GLG1: variants seen among roughly 807,000 people sequenced by gnomAD.
GLG1 encodes golgi glycoprotein 1.
GLG1 carries 38 observed loss-of-function variants against 160.5 expected under a neutral mutation model. The observed-to-expected ratio is 0.24, with a 90% CI of 0.18 to 0.31. GLG1 has a LOEUF of 0.31. Among genes scored for constraint, GLG1 ranks in the 10% least tolerant of loss-of-function variants. GLG1 has a pLI of 1.00. For synonymous variants in GLG1, 644 were observed against 543.4 expected, an observed-to-expected ratio of 1.19 and a Z score of -2.57; for missense variants, 1,373 against 1,505.2, an observed-to-expected ratio of 0.91 and a Z score of 1.45.
intron 1 of GLG1, among the ~76,000 whole-genome samples, chr16:74,585,955 T>TG (rs1958040162): frequency 6.7e-6 from 1 of 149,206 alleles, no homozygotes; most frequent in African/African-American, 2.5e-5. Context: ...CCCAGCTACT[T>TG]GGGGGGCCGA....
chr16:74,461,963 GA>G (rs2014815036), intron 22 of GLG1, 130 bp downstream of exon 22: 2 of 599,836 alleles, frequency 3.3e-6, no homozygotes, highest in African/African-American at 3.7e-5. Context: ...GCAGACCATG[GA>G]GAGCCTAGAA....
At chr16:74,472,794 A>T in intron 13 of GLG1, 1 of 363,104 alleles carries the variant, frequency 2.8e-6, no homozygotes, top group East Asian at 7.3e-5. Flanking sequence ...TAAGCTCATA[A>T]GCCAGAGCAC....
Position 74,463,624 on chromosome 16 carries a change from C to T in GLG1, c.2668-145G>A, listed in dbSNP as rs534060397. On this transcript the variant is annotated intron_variant, in intron 19 of 25. Transcript: ENST00000422840. ...GCGCAATTCGGCTTACTGCAACCTC[C>T]GCCTCCCGAGTTCAAGCGATTCTCC... 1.9e-3 allele frequency: 1,445 copies of T among 744,202 alleles called. 1 individual carries two copies. Among genetic ancestry groups the T allele is most frequent in the Non-Finnish European group, 2.7e-3 (1,194 of 446,494 alleles). 46.1% of individuals were successfully genotyped at this position (744,202 alleles called of 1,614,324 possible). A position where few individuals can be genotyped will look rare whatever the true frequency, so the allele number is the denominator to read the frequency against.
intron 19 of GLG1, chr16:74,464,084 C>G (rs1477579574): frequency 6.5e-6 from 1 of 152,836 alleles, no homozygotes; most frequent in Non-Finnish European, 1.5e-5. Flanking sequence ...GAAAGAGCAC[C>G]CCACCCCAAC....
chr16:74,468,798 T>A, intron 17 of GLG1, 148 bp downstream of exon 17: 1 of 638,230 alleles, frequency 1.6e-6, no homozygotes, highest in Non-Finnish European at 2.9e-6. Context: ...AGGAAGCTAA[T>A]GGTCGTATGT....
At chr16:74,540,742 G>A (rs1385767056) in intron 1 of GLG1, among the ~76,000 whole-genome samples, 2 of 151,870 alleles carry the variant, frequency 1.3e-5, no homozygotes, top group East Asian at 3.9e-4. Flanking sequence ...GAAGGAAACA[G>A]AGTCAGGCAC....
chr16:74,469,353 G>A (rs1434778580), intron 16 of GLG1: 1 of 431,514 alleles, frequency 2.3e-6, no homozygotes, highest in African/African-American at 2.0e-5. Context: ...AAAAACATGT[G>A]ACCACAGAGG....
At chr16:74,596,536 T>A (rs1958307604) in intron 1 of GLG1, among the ~76,000 whole-genome samples, 2 of 151,990 alleles carry the variant, frequency 1.3e-5, no homozygotes, top group Middle Eastern at 3.2e-3. Flanking sequence ...AAAAAAAAAA[T>A]TATTGTGATA....
At chr16:74,580,081 C>T (rs963639350) in intron 1 of GLG1, among the ~76,000 whole-genome samples, 1 of 151,984 alleles carries the variant, frequency 6.6e-6, no homozygotes, top group African/African-American at 2.4e-5. Flanking sequence ...AAACAAAAAA[C>T]CTTAGGATAA....
intron 1 of GLG1, among the ~76,000 whole-genome samples, chr16:74,540,509 C>A (rs960776831): frequency 4.6e-5 from 7 of 151,724 alleles, no homozygotes; most frequent in African/African-American, 1.7e-4. Context: ...CCAATCTTTT[C>A]ATCAAATTCC....
At chr16:74,529,074 C>G (rs2017442974) in intron 2 of GLG1, among the ~76,000 whole-genome samples, 1 of 150,836 alleles carries the variant, frequency 6.6e-6, no homozygotes, top group Non-Finnish European at 1.5e-5. Flanking sequence ...TCAAGCAATT[C>G]TCCCGCCTCA....
intron 1 of GLG1, among the ~76,000 whole-genome samples, chr16:74,562,291 G>A (rs8046158): frequency 0.55 from 82,667 of 151,550 alleles, 23,447 homozygotes; most frequent in East Asian, 0.8. Flanking sequence ...AACCTCATCT[G>A]CTTCCAGTAG....
intron 13 of GLG1, 131 bp downstream of exon 13, chr16:74,474,415 A>G: frequency 1.5e-6 from 1 of 657,398 alleles, no homozygotes; most frequent in Non-Finnish European, 2.7e-6. Flanking sequence ...AAACATGGAA[A>G]ATTTGATCAG....
rs899682659 is a variant in GLG1 at position 74,500,909 on chromosome 16, C to T, written c.774+2622G>A. Among the ~76,000 whole-genome samples the T allele has an allele frequency of 2.6e-5, 4 of 152,066 alleles. No homozygotes were observed. The East Asian group carries it at 7.7e-4, about 29-fold the overall frequency. ...TTCTTTGTTCTAAAATTTATATTAA[C>T]ATTTGAAAAAATCATAGTTTTGAAA... On this transcript the variant is annotated intron_variant, in intron 4 of 25. Coordinates refer to ENST00000422840, the MANE Select transcript of GLG1 (RefSeq NM_001145667.2).
chr16:74,482,709 C>A lies in GLG1; in HGVS notation c.1673+314G>T, dbSNP rs140609706. ...ATCTTCTTAGAGACATATCTGAAGG[C>A]GCTTTTGCCACCCCCACAGGTGCCA... On this transcript the variant is annotated intron_variant, in intron 10 of 25. Transcript: ENST00000422840. 1.8e-3 allele frequency among the ~76,000 whole-genome samples: 268 copies of A among 152,186 alleles called. 6 individuals carry two copies. The East Asian group carries it at 0.047, about 27-fold the overall frequency.
At chr16:74,600,435 T>C (rs537513643) in intron 1 of GLG1, among the ~76,000 whole-genome samples, 72 of 151,960 alleles carry the variant, frequency 4.7e-4, no homozygotes, top group Non-Finnish European at 8.4e-4. Context: ...TAGACAGTCC[T>C]TGCTTAAGAA....
intron 1 of GLG1, among the ~76,000 whole-genome samples, chr16:74,549,302 C>CT (rs568213132): frequency 1.1e-3 from 165 of 151,402 alleles, no homozygotes; most frequent in East Asian, 3.7e-3. Context: ...TCTTCTCCAT[C>CT]TTTTTTTTTG....
chr16:74,572,512 CAA>C (rs1212497736), intron 1 of GLG1, among the ~76,000 whole-genome samples: 1 of 56,272 alleles, frequency 1.8e-5, no homozygotes. Context: ...GACTCTGTCT[CAA>C]AAAAAAAACA....
chr16:74,592,278 G>A (rs999976921), intron 1 of GLG1, among the ~76,000 whole-genome samples: 3 of 152,166 alleles, frequency 2.0e-5, no homozygotes, highest in Non-Finnish European at 1.5e-5. Flanking sequence ...GAGTAGCTGG[G>A]ATTATAGGCA....
Sources: gnomAD v4.1 joint callset for allele counts (sites outside exome capture counted in the v4.1 genomes callset) on GRCh38, gnomAD v4.1.1 for gene constraint, MANE v1.5 for transcripts, NCBI Gene and HGNC (gene_info 2026-07-23, HGNC 2026-07-21) for gene names.